Variants in TBC1D1 observed in about 807,000 individuals in gnomAD.
TBC1D1 encodes the protein TBC1 domain family member 1.
In TBC1D1, 89 loss-of-function variants were observed where a neutral mutation model predicts 125.6. The ratio of observed to expected loss-of-function variants is 0.71; its 90% CI spans 0.60 to 0.85. TBC1D1 has a LOEUF of 0.85. Among genes scored for constraint, TBC1D1 ranks in the 40% least tolerant of loss-of-function variants. TBC1D1 has a pLI of 0.00. For missense variants in TBC1D1, 1,377 were observed against 1,469.2 expected, an observed-to-expected ratio of 0.94 and a Z score of 1.03; for synonymous variants, 565 against 564.1, an observed-to-expected ratio of 1.00 and a Z score of -0.02.
At chr4:38,134,240 G>A (rs1297762961) in intron 19 of TBC1D1, among the ~76,000 whole-genome samples, 1 of 152,134 alleles carries the variant, frequency 6.6e-6, no homozygotes. Context: ...TGGCAGCAAG[G>A]TGAGAAAGGC....
intron 2 of TBC1D1, among the ~76,000 whole-genome samples, chr4:37,902,930 G>A (rs1201091889): frequency 6.6e-6 from 1 of 152,222 alleles, no homozygotes; most frequent in Non-Finnish European, 1.5e-5. Flanking sequence ...AAGCTGCCAA[G>A]AAATGCTGAT....
At chr4:38,024,428 G>C (rs1406080944) in intron 6 of TBC1D1, among the ~76,000 whole-genome samples, 1 of 152,178 alleles carries the variant, frequency 6.6e-6, no homozygotes, top group African/African-American at 2.4e-5. Context: ...CTTTGGTCTG[G>C]CTTAGTTTTG....
intron 7 of TBC1D1, among the ~76,000 whole-genome samples, chr4:38,034,949 A>G (rs1220872926): frequency 1.3e-5 from 2 of 152,238 alleles, no homozygotes; most frequent in African/African-American, 4.8e-5. Flanking sequence ...CAGGGAAGCT[A>G]GAATTAAGGG....
At chr4:38,084,886 C>T (rs1757207715) in intron 12 of TBC1D1, among the ~76,000 whole-genome samples, 1 of 152,158 alleles carries the variant, frequency 6.6e-6, no homozygotes. Flanking sequence ...GGGCACTTAA[C>T]ATGTGATTTA....
At chr4:38,060,093 T>C (rs1016836192) in intron 12 of TBC1D1, among the ~76,000 whole-genome samples, 1 of 152,244 alleles carries the variant, frequency 6.6e-6, no homozygotes, top group African/African-American at 2.4e-5. Flanking sequence ...CCATGGTGTA[T>C]ATGTACCACA....
intron 3 of TBC1D1, among the ~76,000 whole-genome samples, chr4:38,016,122 T>G (rs1742667020): frequency 6.6e-6 from 1 of 152,190 alleles, no homozygotes; most frequent in Non-Finnish European, 1.5e-5. Flanking sequence ...GGAATTTAGA[T>G]TCCAGTAAGG....
intron 15 of TBC1D1, among the ~76,000 whole-genome samples, chr4:38,107,579 T>TTTTG (rs1253434656): frequency 1.7e-4 from 23 of 137,768 alleles, no homozygotes; most frequent in African/African-American, 5.6e-4. Context: ...CTAAACAGGT[T>TTTTG]TTTTTTTTTT....
At chr4:38,089,840 T>G in intron 12 of TBC1D1, 92 bp from the exon 15 acceptor site, 4 of 1,282,660 alleles carry the variant, frequency 3.1e-6, no homozygotes, top group Non-Finnish European at 4.3e-6. Flanking sequence ...ATATTTTATC[T>G]GAATGAACAG....
chr4:37,950,356 T>A (rs936783857), intron 2 of TBC1D1, among the ~76,000 whole-genome samples: 1 of 152,012 alleles, frequency 6.6e-6, no homozygotes, highest in Non-Finnish European at 1.5e-5. Context: ...TGCCTGATAA[T>A]AGAGGATTTC....
intron 12 of TBC1D1, among the ~76,000 whole-genome samples, chr4:38,063,835 G>C (rs531639373): frequency 2.0e-5 from 3 of 152,188 alleles, no homozygotes; most frequent in African/African-American, 7.2e-5. Flanking sequence ...CACCATGTTG[G>C]CCAGACTGGT....
At chr4:38,039,437 C>G (rs10222761) in intron 8 of TBC1D1, among the ~76,000 whole-genome samples, 28,147 of 151,956 alleles carry the variant, frequency 0.19, 3,204 homozygotes, top group African/African-American at 0.32. Flanking sequence ...TCTTTGAGTT[C>G]TGGCTCCTTC....
rs2152293857 is a variant in TBC1D1, at chr4:37,933,982, G to A, written c.417+31470G>A. 1.3e-5 allele frequency among the ~76,000 whole-genome samples: 2 copies of A among 152,346 alleles called. 1 individual carries two copies. The highest frequency in any genetic ancestry group is 4.1e-4 in the South Asian group (2 of 4,832). ...TGGGGGATCCAGGCAGCCTGTTGTTGCAGGTTGAAAGTGAGCAGAAGCACC... is the reference window on the plus strand; with the variant it reads ...TGGGGGATCCAGGCAGCCTGTTGTTACAGGTTGAAAGTGAGCAGAAGCACC... On this transcript the variant is annotated intron_variant, in intron 2 of 19. Coordinates refer to ENST00000261439, the MANE Select transcript of TBC1D1 (RefSeq NM_015173.4).
intron 2 of TBC1D1, among the ~76,000 whole-genome samples, chr4:37,969,440 T>C (rs1355624783): frequency 6.6e-6 from 1 of 152,214 alleles, no homozygotes; most frequent in East Asian, 1.9e-4. Flanking sequence ...CCTCCTGGGT[T>C]CAAGTGATTT....
At chr4:38,084,616 C>T (rs1169944007) in intron 12 of TBC1D1, among the ~76,000 whole-genome samples, 2 of 152,146 alleles carry the variant, frequency 1.3e-5, no homozygotes, top group South Asian at 2.1e-4. Flanking sequence ...ATGTTAATCC[C>T]GTTGTTGTTA....
chr4:37,980,152 A>G (rs763288113), intron 2 of TBC1D1, among the ~76,000 whole-genome samples: 1 of 152,224 alleles, frequency 6.6e-6, no homozygotes. Context: ...GGGCAATTTC[A>G]TGATGTAGGA....
chr4:38,087,863 GAA>G (rs367742093), intron 12 of TBC1D1, among the ~76,000 whole-genome samples: 9 of 83,934 alleles, frequency 1.1e-4, no homozygotes, highest in African/African-American at 2.7e-4. Flanking sequence ...AAAAAAAAAA[GAA>G]AAAAAAAAAA....
intron 2 of TBC1D1, among the ~76,000 whole-genome samples, chr4:37,939,179 C>T (rs1725012438): frequency 6.6e-6 from 1 of 152,204 alleles, no homozygotes; most frequent in East Asian, 1.9e-4. Context: ...ACATCCTCTC[C>T]AGCACCTGTT....
chr4:37,966,137 A>G (rs759657441), intron 2 of TBC1D1, among the ~76,000 whole-genome samples: 3 of 152,168 alleles, frequency 2.0e-5, no homozygotes, highest in Non-Finnish European at 4.4e-5. Flanking sequence ...CCCACAATTT[A>G]CAAGGTGGAA....
intron 15 of TBC1D1, among the ~76,000 whole-genome samples, chr4:38,114,095 C>T (rs1762583851): frequency 6.6e-6 from 1 of 152,096 alleles, no homozygotes; most frequent in Non-Finnish European, 1.5e-5. Context: ...TCAGAGACCC[C>T]AGGAGCCCCT....
Sources: gnomAD v4.1 joint callset for allele counts (sites outside exome capture counted in the v4.1 genomes callset) on GRCh38, gnomAD v4.1.1 for gene constraint, MANE v1.5 for transcripts, NCBI Gene and HGNC (gene_info 2026-07-23, HGNC 2026-07-21) for gene names.